The following SNRPN variants were observed in gnomAD, a reference collection of about 807,000 sequenced individuals.
SNRPN encodes small nuclear ribonucleoprotein-associated protein N.
Under a neutral mutation model 25.2 loss-of-function variants are expected in SNRPN, and 7 were observed. The ratio of observed to expected loss-of-function variants is 0.28; its 90% confidence interval spans 0.16 to 0.52. The LOEUF (loss-of-function observed/expected upper bound fraction) is 0.52, where lower values mean the gene tolerates loss of function less well. Among genes scored for constraint, SNRPN ranks in the 20% least tolerant of loss-of-function variants. The pLI is 0.96. For synonymous variants in SNRPN, 124 were observed against 110.6 expected (o/e 1.12, Z -0.76); for missense variants, 196 against 322.5 (o/e 0.61, Z 3.00).
intron 1 of SNRPN, among the ~76,000 whole-genome samples, chr15:24,827,781 C>A (rs946945192): frequency 6.6e-6 from 1 of 150,934 alleles, no homozygotes; most frequent in Admixed American, 6.6e-5. Flanking sequence ...GCAGGAGAAT[C>A]ACTTGAACCC....
At chr15:24,879,581 C>T (rs2056382042) in intron 1 of SNRPN, among the ~76,000 whole-genome samples, 1 of 152,126 alleles carries the variant, frequency 6.6e-6, no homozygotes, top group Non-Finnish European at 1.5e-5. Flanking sequence ...CAATTAGTGG[C>T]GAAGTGTGAA....
chr15:24,972,739 T>G (rs1233907446), intron 3 of SNRPN, among the ~76,000 whole-genome samples: 2 of 152,156 alleles, frequency 1.3e-5, no homozygotes, highest in Non-Finnish European at 2.9e-5. Flanking sequence ...TAATAGCATT[T>G]TATAAATAAT....
chr15:24,832,398 C>G (rs1372579401), intron 2 of SNRPN, among the ~76,000 whole-genome samples: 2 of 152,016 alleles, frequency 1.3e-5, no homozygotes, highest in Non-Finnish European at 2.9e-5. Flanking sequence ...GCTGGACTTC[C>G]TGGGTCGAGT....
At chr15:24,842,114 G>A (rs1399684088) in intron 2 of SNRPN, among the ~76,000 whole-genome samples, 1 of 152,144 alleles carries the variant, frequency 6.6e-6, no homozygotes, top group African/African-American at 2.4e-5. Context: ...CTTGGGCTGA[G>A]TACTGGGTGG....
chr15:24,940,655 T>G (rs931052764), intron 3 of SNRPN, among the ~76,000 whole-genome samples: 21 of 152,170 alleles, frequency 1.4e-4, no homozygotes, highest in African/African-American at 4.8e-4. Context: ...TGAGGAAGAT[T>G]GTTAATCATC....
At chr15:24,932,989 A>G (rs756087341) in intron 3 of SNRPN, among the ~76,000 whole-genome samples, 12 of 151,858 alleles carry the variant, frequency 7.9e-5, no homozygotes, top group Non-Finnish European at 1.6e-4. Flanking sequence ...TTGACTGGGC[A>G]TGGAGCTCAT....
chr15:24,892,002 A>G (rs1390208581), intron 2 of SNRPN, among the ~76,000 whole-genome samples: 1 of 152,174 alleles, frequency 6.6e-6, no homozygotes, highest in Non-Finnish European at 1.5e-5. Context: ...AAGGCTATGT[A>G]CTAAATATTA....
At chr15:24,883,398 A>G (rs1356481214) in intron 1 of SNRPN, among the ~76,000 whole-genome samples, 1 of 152,226 alleles carries the variant, frequency 6.6e-6, no homozygotes, top group African/African-American at 2.4e-5. Context: ...CTGGGAGGAC[A>G]GTAGCCCACA....
At chr15:24,884,166 A>G (rs2056988511) in intron 1 of SNRPN, among the ~76,000 whole-genome samples, 1 of 144,302 alleles carries the variant, frequency 6.9e-6, no homozygotes. Context: ...AAAAAAAAAG[A>G]TCTATATACA....
chr15:24,919,324 G>T (rs2647353), intron 2 of SNRPN, among the ~76,000 whole-genome samples: 5 of 151,240 alleles, frequency 3.3e-5, no homozygotes, highest in Admixed American at 1.3e-4. Flanking sequence ...CCAGCTACTC[G>T]GGAGGCTGAG....
At chr15:24,884,148 C>CAAAAAAAAAAAAAAAAAAAAAA (rs61039873) in intron 1 of SNRPN, among the ~76,000 whole-genome samples, 4 of 104,854 alleles carry the variant, frequency 3.8e-5, no homozygotes, top group African/African-American at 1.2e-4. Flanking sequence ...CCTGCCTCTA[C>CAAAAAAAAAAAAAAAAAAAAAA]AAAAAAAAAA....
intron 2 of SNRPN, among the ~76,000 whole-genome samples, chr15:24,838,108 C>T (rs367817979): frequency 1.5e-4 from 22 of 150,690 alleles, no homozygotes; most frequent in African/African-American, 4.6e-4. Flanking sequence ...AATCTCGGCT[C>T]GCTGCAAGCT....
intron 2 of SNRPN, among the ~76,000 whole-genome samples, chr15:24,915,653 C>T (rs76800217): frequency 0.11 from 16,781 of 152,078 alleles, 1,029 homozygotes; most frequent in South Asian, 0.15. Flanking sequence ...TTTCATCCTA[C>T]AAAAATATAG....
At chr15:24,883,198 A>G (rs561689394) in intron 1 of SNRPN, among the ~76,000 whole-genome samples, 1 of 152,378 alleles carries the variant, frequency 6.6e-6, no homozygotes, top group South Asian at 2.1e-4. Flanking sequence ...CAGTAAAATC[A>G]GAAACCAGCG....
intron 3 of SNRPN, among the ~76,000 whole-genome samples, chr15:24,941,068 C>T (rs993711398): frequency 6.6e-6 from 1 of 152,180 alleles, no homozygotes; most frequent in African/African-American, 2.4e-5. Context: ...CCTTCGCCTC[C>T]CAGGTTCAAG....
chr15:24,839,876 C>A (rs1235868653), intron 2 of SNRPN, among the ~76,000 whole-genome samples: 2 of 152,178 alleles, frequency 1.3e-5, no homozygotes, highest in African/African-American at 2.4e-5. Flanking sequence ...CCTAGCTGGG[C>A]CTGAACTTGA....
intron 3 of SNRPN, among the ~76,000 whole-genome samples, chr15:24,926,654 C>A (rs941888727): frequency 4.0e-5 from 6 of 151,260 alleles, no homozygotes; most frequent in Non-Finnish European, 7.4e-5. Flanking sequence ...ATAGATGTAT[C>A]CATGCTATTT....
intron 2 of SNRPN, among the ~76,000 whole-genome samples, chr15:24,897,270 G>A (rs2058132008): frequency 6.6e-6 from 1 of 152,310 alleles, no homozygotes; most frequent in South Asian, 2.1e-4. Flanking sequence ...CAGGAATGGA[G>A]ATAATATATT....
chr15:24,947,161 A>G (rs889398397), intron 3 of SNRPN, among the ~76,000 whole-genome samples: 1 of 152,198 alleles, frequency 6.6e-6, no homozygotes, highest in Non-Finnish European at 1.5e-5. Flanking sequence ...TGCAGCTTTC[A>G]AAAATATTTT....
Sources: allele counts gnomAD v4.1 joint callset (sites outside exome capture counted in the v4.1 genomes callset), GRCh38; gene constraint gnomAD v4.1.1; transcripts MANE v1.5; gene names NCBI Gene and HGNC (gene_info 2026-07-23, HGNC 2026-07-21).